Variants in SLC14A2 observed in about 807,000 individuals in gnomAD.
The protein encoded by SLC14A2 is solute carrier family 14 member 2.
SLC14A2 carries 91 observed loss-of-function variants against 104.6 expected under a neutral mutation model. The ratio of observed to expected loss-of-function variants is 0.87; its 90% CI spans 0.73 to 1.04. The LOEUF (loss-of-function observed/expected upper bound fraction) is 1.04. Among genes scored for constraint, SLC14A2 ranks in the 50% least tolerant of loss-of-function variants. The probability of loss-of-function intolerance (pLI) is 0.00; values close to 1 mark genes in which losing one functional copy is unlikely to be tolerated. For missense variants in SLC14A2, 1,189 were observed against 1,156.0 expected (o/e 1.03, Z -0.41); for synonymous variants, 476 against 466.4 (o/e 1.02, Z -0.27).
chr18:45,465,221 C>T (rs943322647), intron 1 of SLC14A2, among the ~76,000 whole-genome samples: 6 of 152,154 alleles, frequency 3.9e-5, no homozygotes, highest in Non-Finnish European at 7.3e-5. Flanking sequence ...AGTGTCATCC[C>T]CTTGCAAACC....
intron 2 of SLC14A2, among the ~76,000 whole-genome samples, chr18:45,519,776 G>A (rs148567778): frequency 1.7e-4 from 26 of 152,304 alleles, no homozygotes; most frequent in African/African-American, 6.0e-4. Context: ...CTGTTACTCC[G>A]GGATCTGCTC....
In SLC14A2 at chr18:45,670,250, T is replaced by C. The variant is rs114687899; in HGVS notation, c.2229+752T>C. Among the ~76,000 whole-genome samples, 219 of 152,230 alleles carry C rather than the reference T, an allele frequency of 1.4e-3. 2 individuals carry two copies. The highest frequency in any genetic ancestry group is 4.9e-3 in the African/African-American group (202 of 41,574). On this transcript the variant is annotated intron_variant, in intron 16 of 19. Transcript: ENST00000255226. The stretch of plus-strand genomic sequence containing the variant: ...AGGTGTTCTTTCATTAAGAAACATA[T>C]AACAGAGCTTTTAAAGTTTTTTTTA...
intron 1 of SLC14A2, among the ~76,000 whole-genome samples, chr18:45,465,036 G>A (rs971925067): frequency 2.0e-5 from 3 of 152,176 alleles, no homozygotes; most frequent in African/African-American, 7.2e-5. Context: ...GAAGGAGAGA[G>A]ACAGAAACAG....
At chr18:45,320,832 C>T (rs918496488) in intron 1 of SLC14A2, among the ~76,000 whole-genome samples, 1 of 152,240 alleles carries the variant, frequency 6.6e-6, no homozygotes, top group African/African-American at 2.4e-5. Context: ...TACATCGCTA[C>T]AACACCCACT....
intron 1 of SLC14A2, among the ~76,000 whole-genome samples, chr18:45,351,467 G>C (rs10853532): frequency 0.35 from 52,622 of 151,818 alleles, 9,568 homozygotes; most frequent in African/African-American, 0.44. Flanking sequence ...CAACCCTCCT[G>C]CCTGAGCCCC....
chr18:45,441,421 T>C (rs2086680680), intron 1 of SLC14A2, among the ~76,000 whole-genome samples: 1 of 152,150 alleles, frequency 6.6e-6, no homozygotes. Context: ...AAAAGAAGAA[T>C]GCCATAGCCA....
intron 1 of SLC14A2, among the ~76,000 whole-genome samples, chr18:45,343,624 G>A (rs999528562): frequency 6.6e-6 from 1 of 152,150 alleles, no homozygotes; most frequent in Non-Finnish European, 1.5e-5. Flanking sequence ...AAGGGAGGGG[G>A]AAGATGATAG....
chr18:45,257,312 C>A (rs145744621), intron 1 of SLC14A2, among the ~76,000 whole-genome samples: 2 of 152,194 alleles, frequency 1.3e-5, no homozygotes, highest in Non-Finnish European at 2.9e-5. Context: ...TAGATAAATT[C>A]ACACGTAATA....
At position 45,273,239 on chromosome 18, in the gene SLC14A2, T is replaced by TAC. The variant is rs1341145851; in HGVS notation, c.-125+60050_-125+60051dup. 5.9e-5 allele frequency among the ~76,000 whole-genome samples: 9 copies of TAC among 152,252 alleles called. No homozygotes were observed. In the South Asian group the frequency reaches 1.9e-3, roughly 32 times the overall value. Reference sequence around the variant, plus strand: ...AATGACCATCCAACAGTTCCAAGATTACATCCTCATAGCTGTAAGCTCAGC... The same window carrying TAC: ...AATGACCATCCAACAGTTCCAAGATTACACATCCTCATAGCTGTAAGCTCAGC... On this transcript the variant is annotated intron_variant, in intron 1 of 20. Coordinates refer to the SLC14A2 transcript ENST00000586448.
At chr18:45,254,961 T>C (rs149310059) in intron 1 of SLC14A2, among the ~76,000 whole-genome samples, 184 of 152,336 alleles carry the variant, frequency 1.2e-3, no homozygotes, top group African/African-American at 4.0e-3. Context: ...GCACAGTGCC[T>C]GGCTGGCCTG....
chr18:45,637,284 C>A, intron 6 of SLC14A2, 102 bp downstream of exon 6: 1 of 894,664 alleles, frequency 1.1e-6, no homozygotes, highest in Non-Finnish European at 1.7e-6. Flanking sequence ...TCTCTAGAAA[C>A]ATCTATACCA....
chr18:45,217,711 A>C (rs1243649033), intron 1 of SLC14A2, among the ~76,000 whole-genome samples: 1 of 152,130 alleles, frequency 6.6e-6, no homozygotes, highest in South Asian at 2.1e-4. Context: ...TTTGTGTTTT[A>C]TATTTCTGTC....
intron 1 of SLC14A2, among the ~76,000 whole-genome samples, chr18:45,289,898 A>G (rs1398875288): frequency 6.6e-6 from 1 of 152,216 alleles, no homozygotes; most frequent in Non-Finnish European, 1.5e-5. Context: ...CAGTGGCCTG[A>G]TAGATGAGTT....
intron 1 of SLC14A2, among the ~76,000 whole-genome samples, chr18:45,409,604 C>T (rs912232411): frequency 3.0e-4 from 45 of 152,156 alleles, no homozygotes; most frequent in African/African-American, 9.9e-4. Context: ...TCAAAATCAA[C>T]CCAACCACTG....
At chr18:45,383,527 G>C (rs930270907) in intron 1 of SLC14A2, among the ~76,000 whole-genome samples, 1 of 152,166 alleles carries the variant, frequency 6.6e-6, no homozygotes, top group Admixed American at 6.5e-5. Context: ...CCAGTACAAA[G>C]TCTTGTCTAC....
intron 1 of SLC14A2, among the ~76,000 whole-genome samples, chr18:45,278,249 T>C (rs1424599536): frequency 6.6e-6 from 1 of 152,232 alleles, no homozygotes; most frequent in Non-Finnish European, 1.5e-5. Flanking sequence ...GGAAGGAATA[T>C]AAGATTCCCT....
chr18:45,237,312 G>T (rs188545355), intron 1 of SLC14A2, among the ~76,000 whole-genome samples: 1 of 152,220 alleles, frequency 6.6e-6, no homozygotes, highest in African/African-American at 2.4e-5. Flanking sequence ...TTGTTTTTAT[G>T]AACATCCAGG....
chr18:45,491,146 C>T (rs2042991486), intron 2 of SLC14A2, among the ~76,000 whole-genome samples: 1 of 152,112 alleles, frequency 6.6e-6, no homozygotes, highest in African/African-American at 2.4e-5. Flanking sequence ...TGTAATAGGA[C>T]AGGTAAGAGG....
At position 45,637,525 on chromosome 18, in the gene SLC14A2, A is replaced by G. The variant is rs111975247; in HGVS notation, c.843+343A>G. ...GAACTGTGGTGGTTGAGTGAAAGATATTAGATAAAATGTATAGTCAGATAA... is the reference window on the plus strand; with the variant it reads ...GAACTGTGGTGGTTGAGTGAAAGATGTTAGATAAAATGTATAGTCAGATAA... On this transcript the variant is annotated intron_variant, in intron 6 of 19. Coordinates refer to ENST00000255226, the MANE Select transcript of SLC14A2 (RefSeq NM_007163.4). Among the ~76,000 whole-genome samples the G allele has an allele frequency of 4.9e-3, 748 of 152,312 alleles. 10 individuals are homozygous for G. The highest frequency in any genetic ancestry group is 0.017 in the African/African-American group (696 of 41,556).
Sources: gnomAD v4.1 joint callset for allele counts (sites outside exome capture counted in the v4.1 genomes callset) on GRCh38, gnomAD v4.1.1 for gene constraint, MANE v1.5 for transcripts, NCBI Gene and HGNC (gene_info 2026-07-23, HGNC 2026-07-21) for gene names.